NALF1: variants seen among roughly 807,000 people sequenced by gnomAD.
The protein encoded by NALF1 is family with sequence similarity 155 member A.
A neutral mutation model predicts 48.4 loss-of-function variants in NALF1; 3 were observed. The ratio of observed to expected loss-of-function variants is 0.06; its 90% CI spans 0.03 to 0.16. The LOEUF is 0.16. NALF1 is among the 10% of genes least tolerant of loss of function. The pLI is 1.00. For synonymous variants in NALF1, 262 were observed against 245.7 expected, an observed-to-expected ratio of 1.07 and a Z score of -0.62; for missense variants, 526 against 571.5, an observed-to-expected ratio of 0.92 and a Z score of 0.81.
rs557351212 is a variant in NALF1, at chr13:107,402,319, T to C, written c.916-191564A>G. On this transcript the variant is annotated intron_variant, in intron 1 of 2. Transcript: ENST00000375915. ...GTCCAACTACCCAGAAGAACCAAAA[T>C]CCTGCTAGCAACCACAGAGCTTGGG... is the stretch of plus-strand genomic sequence containing the variant. 5.3e-5 allele frequency among the ~76,000 whole-genome samples: 8 copies of C among 152,274 alleles called. No individual in the cohort carries two copies. The South Asian group carries it at 1.4e-3, about 28-fold the overall frequency.
intron 1 of NALF1, among the ~76,000 whole-genome samples, chr13:107,711,102 C>T (rs746155559): frequency 6.6e-6 from 1 of 152,074 alleles, no homozygotes; most frequent in Non-Finnish European, 1.5e-5. Flanking sequence ...TTCTGAAATG[C>T]TCAGTAACTG....
intron 1 of NALF1, among the ~76,000 whole-genome samples, chr13:107,365,678 T>C (rs139910632): frequency 2.0e-5 from 3 of 152,354 alleles, no homozygotes; most frequent in African/African-American, 7.2e-5. Flanking sequence ...AGTATCCCTG[T>C]AATCTCATTC....
chr13:107,625,036 T>C, intron 1 of NALF1, among the ~76,000 whole-genome samples: 1 of 152,218 alleles, frequency 6.6e-6, no homozygotes, highest in East Asian at 1.9e-4. Context: ...TCTATGAATA[T>C]GATTCCAACT....
chr13:107,622,838 C>A (rs867632842), intron 1 of NALF1, among the ~76,000 whole-genome samples: 2 of 152,126 alleles, frequency 1.3e-5, no homozygotes, highest in Non-Finnish European at 2.9e-5. Flanking sequence ...CTAGGCATAG[C>A]AGTAGAAATA....
intron 1 of NALF1, among the ~76,000 whole-genome samples, chr13:107,639,144 G>T (rs60982557): frequency 0.21 from 31,217 of 152,050 alleles, 3,463 homozygotes; most frequent in East Asian, 0.38. Context: ...TTAATATAAG[G>T]TATTTATTTT....
At chr13:107,758,963 G>A (rs1455069394) in intron 1 of NALF1, among the ~76,000 whole-genome samples, 1 of 152,150 alleles carries the variant, frequency 6.6e-6, no homozygotes, top group Non-Finnish European at 1.5e-5. Flanking sequence ...GATCTAAGCT[G>A]AAAGAGTGTG....
chr13:107,447,810 T>C (rs1566346604), intron 1 of NALF1, among the ~76,000 whole-genome samples: 1 of 152,162 alleles, frequency 6.6e-6, no homozygotes, highest in Non-Finnish European at 1.5e-5. Flanking sequence ...TTCTTCCAAG[T>C]AGCCACGGAA....
At chr13:107,731,873 A>C (rs138561003) in intron 1 of NALF1, among the ~76,000 whole-genome samples, 281 of 152,226 alleles carry the variant, frequency 1.8e-3, no homozygotes, top group African/African-American at 6.4e-3. Context: ...TGCTACAGTA[A>C]ATTTTAGAAA....
intron 1 of NALF1, among the ~76,000 whole-genome samples, chr13:107,339,392 C>G (rs1353632579): frequency 3.3e-5 from 5 of 151,848 alleles, no homozygotes; most frequent in African/African-American, 1.2e-4. Context: ...ATTTAATGCA[C>G]GTGTGAGTCA....
At chr13:107,450,681 G>C (rs1230515161) in intron 1 of NALF1, among the ~76,000 whole-genome samples, 2 of 152,192 alleles carry the variant, frequency 1.3e-5, no homozygotes, top group South Asian at 4.1e-4. Context: ...TGAATCCCCA[G>C]CGTCTGTGGC....
chr13:107,258,441 G>C (rs900497890), intron 1 of NALF1, among the ~76,000 whole-genome samples: 1 of 152,170 alleles, frequency 6.6e-6, no homozygotes, highest in Non-Finnish European at 1.5e-5. Flanking sequence ...CAGCTAGAGA[G>C]AGGTAATGGC....
intron 1 of NALF1, among the ~76,000 whole-genome samples, chr13:107,504,663 T>C (rs1875639181): frequency 6.6e-6 from 1 of 152,170 alleles, no homozygotes; most frequent in African/African-American, 2.4e-5. Flanking sequence ...ACTTTTCAAT[T>C]TTATTCTACG....
chr13:107,252,463 G>A (rs1171270992), intron 1 of NALF1, among the ~76,000 whole-genome samples: 1 of 151,472 alleles, frequency 6.6e-6, no homozygotes, highest in Non-Finnish European at 1.5e-5. Flanking sequence ...ACACAGAGAG[G>A]AGAAAGAGAG....
Position 107,613,286 on chromosome 13 carries a change from C to A in NALF1, c.915+252396G>T, listed in dbSNP as rs948582523. 2.0e-5 allele frequency among the ~76,000 whole-genome samples: 3 copies of A among 152,182 alleles called. No individual in the cohort carries two copies. The East Asian group carries it at 5.8e-4, about 29-fold the overall frequency. On this transcript the variant is annotated intron_variant, in intron 1 of 2. Transcript: ENST00000375915. ...TAAGAGGCAACCAATGTCATTCCAT[C>A]TTTTCTTACTACTGAAAACATTACA...
At chr13:107,195,972 A>T (rs1227643799) in intron 2 of NALF1, among the ~76,000 whole-genome samples, 3 of 152,226 alleles carry the variant, frequency 2.0e-5, no homozygotes, top group Admixed American at 6.5e-5. Flanking sequence ...ATGCAGCCAT[A>T]AAAAAGAACA....
In NALF1 at chr13:107,282,742, C is replaced by T. The variant is rs138935620; in HGVS notation, c.916-71987G>A. Among the ~76,000 whole-genome samples the T allele has an allele frequency of 3.6e-3, 541 of 152,272 alleles. 3 individuals carry two copies. Among genetic ancestry groups the T allele is most frequent in the African/African-American group, 0.013 (524 of 41,560 alleles). The stretch of plus-strand genomic sequence containing the variant: ...CTAACTTGCCAGTCATGTGAGTGAT[C>T]GACCTCGGAAGTGAATCCGTTAGCT... On this transcript the variant is annotated intron_variant, in intron 1 of 2. Transcript: ENST00000375915.
chr13:107,332,008 T>C (rs1308874182), intron 1 of NALF1, among the ~76,000 whole-genome samples: 1 of 152,202 alleles, frequency 6.6e-6, no homozygotes, highest in African/African-American at 2.4e-5. Context: ...TAAAATATGT[T>C]CTTTAGAAAT....
At chr13:107,665,014 T>A (rs961986627) in intron 1 of NALF1, among the ~76,000 whole-genome samples, 3 of 152,102 alleles carry the variant, frequency 2.0e-5, no homozygotes, top group Admixed American at 6.6e-5. Context: ...GACAATATGG[T>A]ACTTAAAAGC....
intron 1 of NALF1, among the ~76,000 whole-genome samples, chr13:107,305,918 G>T (rs564932580): frequency 2.6e-5 from 4 of 152,268 alleles, no homozygotes; most frequent in African/African-American, 7.2e-5. Context: ...TGTCAAAACT[G>T]CACTGCTAAG....
Sources: gnomAD v4.1 joint callset for allele counts (sites outside exome capture counted in the v4.1 genomes callset) on GRCh38, gnomAD v4.1.1 for gene constraint, MANE v1.5 for transcripts, NCBI Gene and HGNC (gene_info 2026-07-23, HGNC 2026-07-21) for gene names.